The following RABGAP1L variants were observed in gnomAD, a reference collection of about 807,000 sequenced individuals.
The protein encoded by RABGAP1L is rab GTPase-activating protein 1-like.
Under a neutral mutation model 137.7 loss-of-function variants are expected in RABGAP1L, and 63 were observed. The ratio of observed to expected loss-of-function variants is 0.46; its 90% CI spans 0.37 to 0.56. The LOEUF is 0.56. RABGAP1L is among the 20% of genes least tolerant of loss of function. RABGAP1L has a pLI of 0.00. For missense variants in RABGAP1L, 1,095 were observed against 1,244.0 expected (o/e 0.88, Z 1.80); for synonymous variants, 431 against 433.7 (o/e 0.99, Z 0.08).
In RABGAP1L at chr1:174,448,560, A is replaced by G; in HGVS notation, c.1710+54415A>G. 1 of 1,613,620 alleles carries G rather than the reference A, an allele frequency of 6.2e-7. No individual in the cohort carries two copies. Among genetic ancestry groups the G allele is most frequent in the Non-Finnish European group, 8.5e-7 (1 of 1,179,606 alleles). ...GCAATAACCAAGCCTCTTTCCTACAATCAACTGGTCACCCCTTGTCGCTTG... is the reference window on the plus strand; with the variant it reads ...GCAATAACCAAGCCTCTTTCCTACAGTCAACTGGTCACCCCTTGTCGCTTG... On this transcript the variant is annotated intron_variant, in intron 13 of 25. Transcript: ENST00000681986. The surrounding 1 kb of genome is among the most constrained non-coding windows in gnomAD (Gnocchi z 4.2).
rs116641904 is a variant in RABGAP1L, at chr1:174,560,992, G to A, written c.1711-76383G>A. On this transcript the variant is annotated intron_variant, in intron 13 of 25. Transcript: ENST00000681986. ...ATTTTGCCACAGTGGAGTTACTTAT[G>A]TGTGTAAATAAAATTTAGAGCCAGG... Among the ~76,000 whole-genome samples the A allele has an allele frequency of 3.3e-5, 5 of 152,256 alleles. No homozygotes were observed. The East Asian group carries it at 5.8e-4, about 18-fold the overall frequency.
intron 19 of RABGAP1L, among the ~76,000 whole-genome samples, chr1:174,919,616 G>A (rs1258050937): frequency 2.0e-5 from 3 of 152,136 alleles, no homozygotes; most frequent in Non-Finnish European, 1.5e-5. Context: ...TACTTTGGGA[G>A]GCCAAGGTGG....
intron 17 of RABGAP1L, among the ~76,000 whole-genome samples, chr1:174,747,673 C>G (rs1369929336): frequency 1.3e-5 from 2 of 152,018 alleles, no homozygotes; most frequent in Non-Finnish European, 2.9e-5. Context: ...GCTTCCCAAA[C>G]TTCAAAACAT....
chr1:174,642,765 CT>C (rs1674645017), intron 14 of RABGAP1L, among the ~76,000 whole-genome samples: 2 of 117,526 alleles, frequency 1.7e-5, no homozygotes, highest in African/African-American at 3.6e-5. Context: ...CTTCCCCTCT[CT>C]CCCTCTCCCC....
chr1:174,710,740 A>G (rs1680417496), intron 17 of RABGAP1L, among the ~76,000 whole-genome samples: 1 of 152,244 alleles, frequency 6.6e-6, no homozygotes, highest in Non-Finnish European at 1.5e-5. Flanking sequence ...AAGACCATCA[A>G]CACTATGAAG....
intron 10 of RABGAP1L, among the ~76,000 whole-genome samples, chr1:174,297,219 A>G (rs1201232581): frequency 6.6e-6 from 1 of 152,244 alleles, no homozygotes; most frequent in African/African-American, 2.4e-5. Context: ...TAAGTTTTAC[A>G]TGACATAGTG....
Position 174,953,787 on chromosome 1 carries a change from A to C in RABGAP1L, c.2341-3670A>C, listed in dbSNP as rs189495912. ...AGATCGGTCAGAGCGGTGGGGAAAA[A>C]CTATAGGGAAAGGACGCAAACCTTC... On this transcript the variant is annotated intron_variant, in intron 19 of 25. Transcript: ENST00000681986. Among the ~76,000 whole-genome samples the C allele has an allele frequency of 3.4e-3, 516 of 152,298 alleles. 9 individuals carry two copies. The highest frequency in any genetic ancestry group is 0.029 in the Admixed American group (438 of 15,296).
intron 17 of RABGAP1L, among the ~76,000 whole-genome samples, chr1:174,737,351 G>A (rs1006262245): frequency 1.3e-5 from 2 of 152,062 alleles, no homozygotes; most frequent in Non-Finnish European, 2.9e-5. Context: ...ACTCAGACAC[G>A]ATGCAGCCAA....
At chr1:174,982,110 C>A (rs552999754) in intron 23 of RABGAP1L, among the ~76,000 whole-genome samples, 1 of 152,284 alleles carries the variant, frequency 6.6e-6, no homozygotes, top group East Asian at 1.9e-4. Context: ...ATTTTCTGGT[C>A]ATTTTAACTT....
intron 13 of RABGAP1L, among the ~76,000 whole-genome samples, chr1:174,534,791 A>AAT (rs1664763149): frequency 6.6e-6 from 1 of 150,556 alleles, no homozygotes; most frequent in South Asian, 2.1e-4. Flanking sequence ...AAAAAAAAAA[A>AAT]AAAAAAAAAA....
At chr1:174,374,276 C>T (rs925920363) in intron 12 of RABGAP1L, among the ~76,000 whole-genome samples, 4 of 152,128 alleles carry the variant, frequency 2.6e-5, no homozygotes, top group Non-Finnish European at 4.4e-5. Flanking sequence ...GTGTCTCCTG[C>T]GGCAGCTCTA....
intron 13 of RABGAP1L, among the ~76,000 whole-genome samples, chr1:174,554,511 G>T (rs1035635926): frequency 4.6e-5 from 7 of 152,004 alleles, no homozygotes; most frequent in African/African-American, 1.7e-4. Flanking sequence ...TTTTGTATTG[G>T]TATGTTTTAA....
intron 13 of RABGAP1L, among the ~76,000 whole-genome samples, chr1:174,575,045 C>T (rs1668272330): frequency 6.6e-6 from 1 of 152,228 alleles, no homozygotes. Context: ...ATTCTCCTGC[C>T]TCAGCCTTCC....
chr1:174,601,077 A>G (rs1269601694), intron 13 of RABGAP1L, among the ~76,000 whole-genome samples: 3 of 152,200 alleles, frequency 2.0e-5, no homozygotes, highest in Non-Finnish European at 4.4e-5. Flanking sequence ...TCAACACCAC[A>G]TGGAAGCTGC....
chr1:174,466,566 C>T (rs996915724), intron 13 of RABGAP1L, among the ~76,000 whole-genome samples: 2 of 152,106 alleles, frequency 1.3e-5, no homozygotes, highest in Admixed American at 1.3e-4. Context: ...GCGGGTGGAT[C>T]ACTTGAGGTC....
chr1:174,841,881 A>C (rs1693452061), intron 19 of RABGAP1L, among the ~76,000 whole-genome samples: 1 of 151,610 alleles, frequency 6.6e-6, no homozygotes, highest in Non-Finnish European at 1.5e-5. Flanking sequence ...TTGATATAGG[A>C]AGTCCTTTAT....
chr1:174,475,055 TAATA>T (rs1448804952), intron 13 of RABGAP1L, among the ~76,000 whole-genome samples: 4 of 152,102 alleles, frequency 2.6e-5, no homozygotes, highest in African/African-American at 4.8e-5. Context: ...TATCATTTAT[TAATA>T]AATATTTAAA....
intron 1 of RABGAP1L, among the ~76,000 whole-genome samples, chr1:174,201,260 A>T (rs934743947): frequency 1.4e-5 from 2 of 139,914 alleles, no homozygotes; most frequent in South Asian, 2.3e-4. Flanking sequence ...CAGTGTAGAA[A>T]TTTTTTTTTT....
At position 174,555,529 on chromosome 1, in the gene RABGAP1L, T is replaced by C. The variant is rs1157844348; in HGVS notation, c.1711-81846T>C. The stretch of plus-strand genomic sequence containing the variant: ...TTTATTATGTAACAAGAAAAATGTA[T>C]GTCCCCCCCCCAAAAAAAATGTATG... On this transcript the variant is annotated intron_variant, in intron 13 of 25. Transcript: ENST00000681986. 4.0e-5 allele frequency among the ~76,000 whole-genome samples: 6 copies of C among 148,572 alleles called. No homozygotes were observed. The East Asian group carries it at 7.7e-4, about 19-fold the overall frequency.
Sources: allele counts gnomAD v4.1 joint callset (sites outside exome capture counted in the v4.1 genomes callset), GRCh38; gene constraint gnomAD v4.1.1; non-coding constraint Gnocchi (gnomAD v3.1); transcripts MANE v1.5; gene names NCBI Gene and HGNC (gene_info 2026-07-23, HGNC 2026-07-21).